The following PPP4R4 variants were observed in gnomAD, a reference collection of about 807,000 sequenced individuals.
PPP4R4 encodes the protein serine/threonine-protein phosphatase 4 regulatory subunit 4.
Under a neutral mutation model 121.8 loss-of-function variants are expected in PPP4R4, and 70 were observed. The ratio of observed to expected loss-of-function variants is 0.57; its 90% CI spans 0.47 to 0.70. The LOEUF is 0.70. Among genes scored for constraint, PPP4R4 ranks in the 30% least tolerant of loss-of-function variants. The pLI is 0.00. For synonymous variants in PPP4R4, 348 were observed against 355.7 expected (o/e 0.98, Z 0.24); for missense variants, 875 against 1,033.6 (o/e 0.85, Z 2.10).
At chr14:94,209,499 A>C (rs1313140449) in intron 3 of PPP4R4, among the ~76,000 whole-genome samples, 1 of 152,148 alleles carries the variant, frequency 6.6e-6, no homozygotes, top group Non-Finnish European at 1.5e-5. Context: ...TGAGATGCCC[A>C]CCTATGCAGG....
At chr14:94,206,002 G>A (rs12436659) in intron 2 of PPP4R4, among the ~76,000 whole-genome samples, 1,611 of 152,064 alleles carry the variant, frequency 0.011, 32 homozygotes, top group African/African-American at 0.036. Context: ...TGGTATTCTT[G>A]AGTTCTTCTA....
intron 1 of PPP4R4, among the ~76,000 whole-genome samples, chr14:94,175,230 C>A (rs1888613529): frequency 6.6e-6 from 1 of 151,696 alleles, no homozygotes; most frequent in African/African-American, 2.4e-5. Context: ...CCCCTCGCTT[C>A]CCAGCCAGCA....
intron 19 of PPP4R4, among the ~76,000 whole-genome samples, chr14:94,262,054 C>T (rs1893815467): frequency 6.6e-6 from 1 of 151,900 alleles, no homozygotes; most frequent in Non-Finnish European, 1.5e-5. Flanking sequence ...TTATTCTGGC[C>T]TCATAAAACA....
Position 94,250,221 on chromosome 14 carries a change from T to A in PPP4R4, c.1661T>A (p.Leu554Gln), listed in dbSNP as rs2139596073. The change falls in exon 15 of 25, where the codon CTG (leucine) becomes CAG (glutamine). Residue 554 changes from leucine to glutamine, a missense_variant. Physicochemically the swap from Leu to Gln is moderately radical, Grantham distance 113 (BLOSUM62 -2). Transcript: ENST00000304338. ...GCTTCACGAACTCTATGCATTTTTCTGCGTTATAATCGTAAACAAGAACAG... is the reference window on the plus strand; with the variant it reads ...GCTTCACGAACTCTATGCATTTTTCAGCGTTATAATCGTAAACAAGAACAG... ...KAASRTLCIF[L>Q]RYNRKQEQRH... 1 of 1,612,690 alleles carries A rather than the reference T, an allele frequency of 6.2e-7. No individual in the cohort carries two copies. Among genetic ancestry groups the A allele is most frequent in the South Asian group, 1.1e-5 (1 of 90,976 alleles).
intron 3 of PPP4R4, among the ~76,000 whole-genome samples, chr14:94,226,493 C>A (rs1891709205): frequency 6.6e-6 from 1 of 151,936 alleles, no homozygotes; most frequent in Non-Finnish European, 1.5e-5. Context: ...TGGAATGTGG[C>A]AATCAGGGAT....
rs183620673 is a variant in PPP4R4 at position 94,258,601 on chromosome 14, T to G, written c.2011-182T>G. On this transcript the variant is annotated intron_variant, in intron 17 of 24. Transcript: ENST00000304338. ...AAAGTTAAAATTGACCCTGGCATGA[T>G]TGTATAAAGATTGATTGTAAGTACA... Among the ~76,000 whole-genome samples the G allele has an allele frequency of 6.2e-3, 942 of 152,258 alleles. 6 individuals are homozygous for G. Among genetic ancestry groups the G allele is most frequent in the Non-Finnish European group, 0.011 (752 of 68,008 alleles).
intron 4 of PPP4R4, 92 bp downstream of exon 4, chr14:94,230,826 A>C: frequency 1.5e-6 from 2 of 1,357,900 alleles, no homozygotes; most frequent in Non-Finnish European, 2.0e-6. Context: ...CCTGATGAGG[A>C]TAACTGAGTA....
intron 10 of PPP4R4, 61 bp from the exon 11 acceptor site, chr14:94,242,228 T>G (rs1254433769): frequency 6.6e-7 from 1 of 1,524,776 alleles, no homozygotes; most frequent in Non-Finnish European, 9.0e-7. Flanking sequence ...ATTATAATAT[T>G]AGGTATTGAT....
At chr14:94,272,022 T>C (rs1432904507) in intron 23 of PPP4R4, among the ~76,000 whole-genome samples, 1 of 152,144 alleles carries the variant, frequency 6.6e-6, no homozygotes, top group African/African-American at 2.4e-5. Context: ...AAAGAACTAA[T>C]AAAGAAGGAG....
At chr14:94,188,310 T>G (rs1483281643) in intron 2 of PPP4R4, among the ~76,000 whole-genome samples, 1 of 152,188 alleles carries the variant, frequency 6.6e-6, no homozygotes, top group African/African-American at 2.4e-5. Flanking sequence ...TGTATTAGTC[T>G]TTTTATATGT....
Position 94,174,471 on chromosome 14 carries a change from TCCGCCGCCGC to T in PPP4R4, c.17_26del (p.Pro6ArgfsTer36). ...GCGAGAGTGCCCGGCGGTCCATGCA[TCCGCCGCCGC>T]CCGCCGCCGCGATGGATTTCAGTCA... On this transcript the variant is annotated frameshift_variant, in exon 1 of 25. Coordinates refer to ENST00000304338, the MANE Select transcript of PPP4R4 (RefSeq NM_058237.2). LOFTEE classifies it high-confidence loss of function. 3 of 1,601,948 alleles carry T rather than the reference TCCGCCGCCGC, an allele frequency of 1.9e-6. No homozygotes were observed. The highest frequency in any genetic ancestry group is 1.1e-5 in the South Asian group (1 of 89,980).
chr14:94,205,341 A>C (rs1363343295), intron 2 of PPP4R4, among the ~76,000 whole-genome samples: 2 of 152,074 alleles, frequency 1.3e-5, no homozygotes, highest in Non-Finnish European at 2.9e-5. Context: ...AAGTATTCAT[A>C]GCATTCACTT....
At chr14:94,251,059 T>C (rs898127632) in intron 15 of PPP4R4, among the ~76,000 whole-genome samples, 3 of 152,066 alleles carry the variant, frequency 2.0e-5, no homozygotes, top group Non-Finnish European at 4.4e-5. Context: ...TTTATAGTCT[T>C]ATTTTAATTC....
Position 94,256,648 on chromosome 14 carries a change from G to A in PPP4R4, c.2010+44G>A, listed in dbSNP as rs776482480. ...ACAATGTTGCATTTTTTGCATTAAG[G>A]CAGTAAGAATCTTAGCTTCACTATT... On this transcript the variant is annotated intron_variant, in intron 17 of 24. Transcript: ENST00000304338. 9 of 1,490,472 alleles carry A rather than the reference G, an allele frequency of 6.0e-6. No homozygotes were observed. In the South Asian group the frequency reaches 8.9e-5, roughly 15 times the overall value. The allele number at this position is 1,490,472 out of a possible 1,614,324, so 92.3% of individuals were successfully genotyped here.
chr14:94,177,909 C>T (rs1888765930), intron 2 of PPP4R4, among the ~76,000 whole-genome samples: 1 of 152,190 alleles, frequency 6.6e-6, no homozygotes, highest in Admixed American at 6.5e-5. Context: ...CCTTTAGTTT[C>T]TTGTGGCTCA....
chr14:94,196,472 C>A (rs1889881978), intron 2 of PPP4R4, among the ~76,000 whole-genome samples: 1 of 151,826 alleles, frequency 6.6e-6, no homozygotes, highest in South Asian at 2.1e-4. Context: ...TGCCACCACA[C>A]CCAGCTAATT....
At chr14:94,235,285 G>A (rs975388065) in intron 7 of PPP4R4, among the ~76,000 whole-genome samples, 1 of 151,642 alleles carries the variant, frequency 6.6e-6, no homozygotes, top group Non-Finnish European at 1.5e-5. Flanking sequence ...CCACAGATGT[G>A]GAACCTGCAG....
rs562593903 is a variant in PPP4R4 at position 94,177,385 on chromosome 14, C to A, written c.191+1258C>A. Among the ~76,000 whole-genome samples, 68 of 152,286 alleles carry A rather than the reference C, an allele frequency of 4.5e-4. 1 individual carries two copies. In the East Asian group the frequency reaches 0.011, roughly 25 times the overall value. ...TTTGGGTGTTTACTTAGAGAATAAT[C>A]CAACTTTTAACCCATTTTCATATTG... On this transcript the variant is annotated intron_variant, in intron 2 of 24. Transcript: ENST00000304338.
chr14:94,177,073 TA>T (rs397955325), intron 2 of PPP4R4, among the ~76,000 whole-genome samples: 125 of 145,818 alleles, frequency 8.6e-4, no homozygotes, highest in African/African-American at 9.0e-4. Context: ...AATGATTCTG[TA>T]AAAAAAAAAA....
Sources: allele counts gnomAD v4.1 joint callset (sites outside exome capture counted in the v4.1 genomes callset), GRCh38; gene constraint gnomAD v4.1.1; transcripts MANE v1.5; gene names NCBI Gene and HGNC (gene_info 2026-07-23, HGNC 2026-07-21).